Variants in NDC80 observed in about 807,000 individuals in gnomAD.
NDC80 encodes the protein NDC80 kinetochore complex component.
Under a neutral mutation model 89.3 loss-of-function variants are expected in NDC80, and 69 were observed. The observed-to-expected ratio is 0.77, with a 90% CI of 0.64 to 0.94. The LOEUF (loss-of-function observed/expected upper bound fraction) is 0.94. Among genes scored for constraint, NDC80 ranks in the 40% least tolerant of loss-of-function variants. The pLI, the probability that NDC80 is intolerant of heterozygous loss-of-function variation, is 0.00. For synonymous variants in NDC80, 243 were observed against 255.6 expected, an observed-to-expected ratio of 0.95 and a Z score of 0.47; for missense variants, 593 against 739.6, an observed-to-expected ratio of 0.80 and a Z score of 2.30.
chr18:2,599,213 G>GA, intron 12 of NDC80, 42 bp downstream of exon 12: 1 of 1,535,382 alleles, frequency 6.5e-7, no homozygotes, highest in South Asian at 1.2e-5. Flanking sequence ...TTAATTCTGT[G>GA]ATTGGTATCT....
chr18:2,578,853 C>T lies in NDC80; in HGVS notation c.477-74C>T, dbSNP rs2072561792. On this transcript the variant is annotated intron_variant, in intron 5 of 16. Transcript: ENST00000261597. ...TGTATGTGGAATTTTTTAAATGTAA[C>T]TTCTTGATTAACCATTATCTTTACT... 5.6e-6 allele frequency: 5 copies of T among 894,988 alleles called. No individual in the cohort carries two copies. The East Asian group carries it at 1.3e-4, about 23-fold the overall frequency. The allele number at this position is 894,988 out of a possible 1,614,324, so 55.4% of individuals were successfully genotyped here.
chr18:2,614,591 A>G (rs1481739453), intron 16 of NDC80: 45 of 3,730 alleles, frequency 0.012, 20 homozygotes, highest in African/African-American at 0.052. Flanking sequence ...GAAAGAAAGA[A>G]AGAAAGAAAG....
intron 6 of NDC80, among the ~76,000 whole-genome samples, chr18:2,581,728 T>C (rs941353569): frequency 6.6e-6 from 1 of 152,254 alleles, no homozygotes; most frequent in African/African-American, 2.4e-5. Context: ...CCTATTTCTC[T>C]GATCTTTTTT....
Position 2,614,541 on chromosome 18 carries a change from AAG to A in NDC80, c.1792-1895_1792-1894del, listed in dbSNP as rs2072765765. ...GAAGGAAGGAAGGAAGGAAGGAAGG[AAG>A]GAAGGAAGGAAGGAAGGAAGGGAAA... On this transcript the variant is annotated intron_variant, in intron 16 of 16. Coordinates refer to ENST00000261597, the MANE Select transcript of NDC80 (RefSeq NM_006101.3). The A allele has an allele frequency of 6.9e-4, 4 of 5,830 alleles. 2 individuals are homozygous for A. The highest frequency in any genetic ancestry group is 6.1e-3 in the African/African-American group (4 of 654). The allele number at this position is 5,830 out of a possible 1,614,324, so 0.4% of individuals were successfully genotyped here.
chr18:2,601,775 TAAA>T (rs1319975912), intron 13 of NDC80, among the ~76,000 whole-genome samples: 1 of 152,150 alleles, frequency 6.6e-6, no homozygotes, highest in African/African-American at 2.4e-5. Context: ...ATTTTTATAC[TAAA>T]AGAGGCTTCA....
At chr18:2,577,607 T>C (rs1027295600) in intron 3 of NDC80, 139 bp from the exon 4 acceptor site, 1 of 935,640 alleles carries the variant, frequency 1.1e-6, no homozygotes, top group Non-Finnish European at 1.6e-6. Flanking sequence ...TTTTCTCTGC[T>C]TTAAATAAGA....
intron 7 of NDC80, among the ~76,000 whole-genome samples, chr18:2,585,692 A>G (rs1284779913): frequency 6.6e-6 from 1 of 152,086 alleles, no homozygotes; most frequent in African/African-American, 2.4e-5. Flanking sequence ...TTTAATATTA[A>G]TGGATCTGTT....
In NDC80 at chr18:2,608,681, C is replaced by T. The variant is rs760242646; in HGVS notation, c.1558-19C>T. The T allele has an allele frequency of 6.6e-5, 106 of 1,602,996 alleles. No homozygotes were observed. The highest frequency in any genetic ancestry group is 1.7e-4 in the Middle Eastern group (1 of 6,036). ...ATGTGAATATCAAGAAACCCATAAC[C>T]GTGACTTTATCCTGATAGGAAGCAG... On this transcript the variant is annotated intron_variant, in intron 14 of 16. Transcript: ENST00000261597.
At chr18:2,592,170 G>A (rs2072630945) in intron 10 of NDC80, among the ~76,000 whole-genome samples, 2 of 152,160 alleles carry the variant, frequency 1.3e-5, no homozygotes, top group South Asian at 4.1e-4. Context: ...TGCAAACTCA[G>A]TAGGTGAGAG....
chr18:2,590,512 A>G (rs576723380), intron 10 of NDC80, among the ~76,000 whole-genome samples: 116 of 152,214 alleles, frequency 7.6e-4, no homozygotes, highest in African/African-American at 2.6e-3. Flanking sequence ...CTCTGCCTCC[A>G]TCTTCACATT....
intron 1 of NDC80, among the ~76,000 whole-genome samples, chr18:2,572,333 A>C (rs76051747): frequency 0.054 from 8,296 of 152,230 alleles, 760 homozygotes; most frequent in African/African-American, 0.19. Context: ...TAGGAGACAA[A>C]TTTTTTAGCA....
At chr18:2,599,845 A>G (rs527593446) in intron 12 of NDC80, among the ~76,000 whole-genome samples, 1 of 152,332 alleles carries the variant, frequency 6.6e-6, no homozygotes, top group South Asian at 2.1e-4. Flanking sequence ...GTCAAAAGCT[A>G]TACATTTTTC....
chr18:2,616,442 T>C lies in NDC80; in HGVS notation c.1797T>C (p.His599=). 6.7e-7 allele frequency: 1 copy of C among 1,487,250 alleles called. No individual in the cohort carries two copies. The highest frequency in any genetic ancestry group is 9.0e-7 in the Non-Finnish European group (1 of 1,110,016). 92.1% of individuals were successfully genotyped at this position (1,487,250 alleles called of 1,614,324 possible). ...VATHVGSVEK[H]LEEQIAKVDR... is the part of the protein sequence containing the mutation. Reference sequence around the variant, plus strand: ...TTGTTAATTCTCTTCACTAGAAACATCTTGAGGAGCAGATTGCTAAAGTTG... The same window carrying C: ...TTGTTAATTCTCTTCACTAGAAACACCTTGAGGAGCAGATTGCTAAAGTTG... Residue 599 remains histidine (H), a synonymous_variant, in exon 17 of 17, where the codon CAT becomes CAC. Coordinates refer to ENST00000261597, the MANE Select transcript of NDC80 (RefSeq NM_006101.3).
At chr18:2,593,817 C>A in intron 10 of NDC80, 1 of 285,356 alleles carries the variant, frequency 3.5e-6, no homozygotes, top group Non-Finnish European at 7.0e-6. Context: ...CAGAATATTT[C>A]CGTCATTTAT....
rs1478148474 is a variant in NDC80, at chr18:2,590,054, T to G, written c.907T>G (p.Leu303Val). The G allele has an allele frequency of 6.2e-7, 1 of 1,607,098 alleles. No individual in the cohort carries two copies. The highest frequency in any genetic ancestry group is 8.5e-7 in the Non-Finnish European group (1 of 1,176,386). ...LESLRKLKAS[L>V]QGDVQKYQAY... is the part of the protein sequence containing the mutation. ...GTCGTTGAGAAAACTGAAGGCTTCC[T>G]TACAAGGAGATGTTCAAAAGTATCA... Residue 303 changes from leucine (L) to valine (V), a missense_variant, in exon 10 of 17, where the codon TTA becomes GTA. Leu to Val is a conservative substitution (Grantham distance 32). Coordinates refer to ENST00000261597, the MANE Select transcript of NDC80 (RefSeq NM_006101.3).
intron 14 of NDC80, among the ~76,000 whole-genome samples, chr18:2,607,002 G>C (rs2072715574): frequency 6.6e-6 from 1 of 151,984 alleles, no homozygotes; most frequent in Non-Finnish European, 1.5e-5. Context: ...TGTCTGACCA[G>C]CATTTTACTT....
intron 16 of NDC80, among the ~76,000 whole-genome samples, chr18:2,615,636 A>G (rs905910790): frequency 2.0e-5 from 3 of 152,226 alleles, no homozygotes; most frequent in Non-Finnish European, 2.9e-5. Context: ...GGGCATGGAC[A>G]TCTTTGGAAA....
intron 10 of NDC80, among the ~76,000 whole-genome samples, chr18:2,593,013 G>GGGGT (rs1555618271): frequency 9.2e-6 from 1 of 108,398 alleles, no homozygotes; most frequent in Admixed American, 1.1e-4. Flanking sequence ...AATAAACTCT[G>GGGGT]GTGTGTGTGT....
At chr18:2,616,179 C>T (rs1182648798) in intron 16 of NDC80, among the ~76,000 whole-genome samples, 2 of 151,982 alleles carry the variant, frequency 1.3e-5, no homozygotes, top group African/African-American at 4.8e-5. Context: ...CACACACCAC[C>T]ACACCTGGCT....
Sources: allele counts gnomAD v4.1 joint callset (sites outside exome capture counted in the v4.1 genomes callset), GRCh38; gene constraint gnomAD v4.1.1; transcripts MANE v1.5; gene names NCBI Gene and HGNC (gene_info 2026-07-23, HGNC 2026-07-21).